AGBL4: variants seen among roughly 807,000 people sequenced by gnomAD.
AGBL4 encodes the protein cytosolic carboxypeptidase 6.
Under a neutral mutation model 66.4 loss-of-function variants are expected in AGBL4, and 58 were observed. The ratio of observed to expected loss-of-function variants is 0.87; its 90% confidence interval spans 0.71 to 1.09. AGBL4 has a LOEUF of 1.09. Ranked by LOEUF, AGBL4 falls within the 50% of genes least tolerant of loss-of-function variation. The pLI is 0.00. For missense variants in AGBL4, 579 were observed against 631.0 expected (o/e 0.92, Z 0.88); for synonymous variants, 234 against 222.9 (o/e 1.05, Z -0.44).
intron 2 of AGBL4, chr1:49,845,046 A>G: frequency 2.8e-6 from 4 of 1,448,768 alleles, no homozygotes; most frequent in Non-Finnish European, 2.8e-6. Flanking sequence ...TAAATGCTCT[A>G]CAGAAAACCT....
chr1:49,532,504 C>T (rs1305776196), intron 3 of AGBL4, among the ~76,000 whole-genome samples: 1 of 152,060 alleles, frequency 6.6e-6, no homozygotes, highest in Admixed American at 6.5e-5. Context: ...CAAGTAAATA[C>T]AAAATTAGGT....
At chr1:49,131,156 C>T (rs1645886325) in intron 4 of AGBL4, among the ~76,000 whole-genome samples, 1 of 151,932 alleles carries the variant, frequency 6.6e-6, no homozygotes, top group Admixed American at 6.6e-5. Flanking sequence ...TTCTATATTT[C>T]CATTTATATT....
At chr1:49,740,236 C>A (rs1187467776) in intron 2 of AGBL4, among the ~76,000 whole-genome samples, 1 of 152,034 alleles carries the variant, frequency 6.6e-6, no homozygotes, top group African/African-American at 2.4e-5. Context: ...CAAAAAAAGG[C>A]AGGGGTTGCA....
intron 2 of AGBL4, among the ~76,000 whole-genome samples, chr1:49,713,501 T>C (rs1334375645): frequency 6.6e-6 from 1 of 152,046 alleles, no homozygotes; most frequent in African/African-American, 2.4e-5. Flanking sequence ...CATTATTTGA[T>C]CAGTTACATA....
intron 9 of AGBL4, among the ~76,000 whole-genome samples, chr1:48,616,318 C>T (rs184884677): frequency 6.6e-6 from 1 of 152,276 alleles, no homozygotes; most frequent in Admixed American, 6.5e-5. Context: ...GAGGCCTCTA[C>T]AACCAGAGAC....
intron 3 of AGBL4, among the ~76,000 whole-genome samples, chr1:49,690,837 C>T (rs1467087068): frequency 6.6e-6 from 1 of 152,106 alleles, no homozygotes; most frequent in Non-Finnish European, 1.5e-5. Context: ...TGCATCATCC[C>T]ATGTGTTTCT....
intron 9 of AGBL4, 109 bp from the exon 10 acceptor site, chr1:48,591,094 C>CCAG: frequency 1.3e-6 from 1 of 752,290 alleles, no homozygotes; most frequent in Non-Finnish European, 2.0e-6. Context: ...CCACCCACCC[C>CCAG]CCCCCACACA....
At chr1:48,617,462 T>C (rs1645338039) in intron 9 of AGBL4, among the ~76,000 whole-genome samples, 1 of 152,202 alleles carries the variant, frequency 6.6e-6, no homozygotes, top group African/African-American at 2.4e-5. Flanking sequence ...AATCTCTCAG[T>C]CTGGTATTCT....
chr1:50,011,849 T>G (rs1407227799), intron 1 of AGBL4, among the ~76,000 whole-genome samples: 1 of 152,176 alleles, frequency 6.6e-6, no homozygotes, highest in African/African-American at 2.4e-5. Context: ...ATTGAACTCA[T>G]GGACACAGAG....
chr1:49,255,612 C>T (rs1467077042), intron 3 of AGBL4, among the ~76,000 whole-genome samples: 2 of 152,100 alleles, frequency 1.3e-5, no homozygotes, highest in African/African-American at 4.8e-5. Flanking sequence ...GGCAATTCCT[C>T]AAAAACCTAA....
intron 3 of AGBL4, among the ~76,000 whole-genome samples, chr1:49,280,626 T>G (rs1189259007): frequency 6.6e-6 from 1 of 152,126 alleles, no homozygotes; most frequent in Non-Finnish European, 1.5e-5. Context: ...GATATTAAGG[T>G]CCAGAGCAAC....
the AGBL4 span, among the ~76,000 whole-genome samples, chr1:48,523,760 G>T: frequency 1.3e-5 from 2 of 152,158 alleles, no homozygotes; most frequent in Non-Finnish European, 2.9e-5. Context: ...ACAGGGATAC[G>T]TTCTGAGAAA....
At chr1:48,712,689 G>T (rs1646987352) in intron 6 of AGBL4, among the ~76,000 whole-genome samples, 1 of 152,142 alleles carries the variant, frequency 6.6e-6, no homozygotes, top group Non-Finnish European at 1.5e-5. Flanking sequence ...CCTAGAGGAG[G>T]CGTGTGAGAT....
chr1:49,572,565 C>T (rs1370767711), intron 3 of AGBL4, among the ~76,000 whole-genome samples: 2 of 152,018 alleles, frequency 1.3e-5, no homozygotes, highest in African/African-American at 2.4e-5. Flanking sequence ...TTGTTCTGTT[C>T]GTGGTTCAGT....
chr1:48,999,551 T>A (rs569464734), intron 5 of AGBL4, among the ~76,000 whole-genome samples: 1 of 152,268 alleles, frequency 6.6e-6, no homozygotes, highest in East Asian at 1.9e-4. Flanking sequence ...GCACTTGGCA[T>A]GACGTGCCTC....
intron 2 of AGBL4, among the ~76,000 whole-genome samples, chr1:49,754,230 T>C (rs1460571149): frequency 2.0e-5 from 3 of 152,058 alleles, no homozygotes; most frequent in South Asian, 2.1e-4. Flanking sequence ...GTCTTTGATG[T>C]TGGTGACCTT....
chr1:49,498,446 T>C (rs558819427), intron 3 of AGBL4, among the ~76,000 whole-genome samples: 2 of 152,022 alleles, frequency 1.3e-5, no homozygotes, highest in South Asian at 2.1e-4. Flanking sequence ...TTTCTGTGCC[T>C]GGATTATTTC....
chr1:49,598,219 A>C (rs537353822), intron 3 of AGBL4, among the ~76,000 whole-genome samples: 115 of 152,308 alleles, frequency 7.6e-4, no homozygotes, highest in African/African-American at 2.5e-3. Flanking sequence ...TCAACTCGTC[A>C]AAGTCATTCT....
chr1:49,224,431 C>T (rs1377419780), intron 4 of AGBL4, among the ~76,000 whole-genome samples: 1 of 151,870 alleles, frequency 6.6e-6, no homozygotes, highest in Non-Finnish European at 1.5e-5. Context: ...TCCTGGCTAA[C>T]ACGGTGAAAC....
Sources: gnomAD v4.1 joint callset for allele counts (sites outside exome capture counted in the v4.1 genomes callset) on GRCh38, gnomAD v4.1.1 for gene constraint, MANE v1.5 for transcripts, NCBI Gene and HGNC (gene_info 2026-07-23, HGNC 2026-07-21) for gene names.